TMEM273: variants seen among roughly 807,000 people sequenced by gnomAD.
TMEM273 encodes the protein transmembrane protein 273.
A neutral mutation model predicts 17.9 loss-of-function variants in TMEM273; 19 were observed. That is an observed-to-expected ratio of 1.06 (90% confidence interval 0.74 to 1.55). The LOEUF (loss-of-function observed/expected upper bound fraction) is 1.55, where lower values mean the gene tolerates loss of function less well. Among genes scored for constraint, TMEM273 ranks in the 40% most tolerant of loss-of-function variants. TMEM273 has a pLI of 0.00. For synonymous variants in TMEM273, 66 were observed against 62.0 expected, an observed-to-expected ratio of 1.07 and a Z score of -0.31; for missense variants, 194 against 155.6, an observed-to-expected ratio of 1.25 and a Z score of -1.31.
At chr10:49,167,100 T>C in intron 2 of TMEM273, 91 bp from the exon 3 acceptor site, 3 of 1,529,304 alleles carry the variant, frequency 2.0e-6, no homozygotes, top group South Asian at 1.2e-5. Context: ...CATGTGGCCC[T>C]TAACACACCA....
chr10:49,159,776 GACCCTTGTGCT>G (rs1034766263), intron 6 of TMEM273, among the ~76,000 whole-genome samples: 1 of 152,060 alleles, frequency 6.6e-6, no homozygotes, highest in Non-Finnish European at 1.5e-5. Context: ...GGGAAAATTA[GACCCTTGTGCT>G]ACCCTTGGGA....
chr10:49,163,132 C>G (rs75939957), intron 5 of TMEM273, among the ~76,000 whole-genome samples: 2 of 151,368 alleles, frequency 1.3e-5, no homozygotes, highest in African/African-American at 4.9e-5. Flanking sequence ...CCTCTTAGGG[C>G]GGGGGGAAGG....
intron 3 of TMEM273, 29 bp from the exon 4 acceptor site, chr10:49,165,825 G>A (rs1290757464): frequency 2.5e-6 from 4 of 1,613,902 alleles, no homozygotes; most frequent in Non-Finnish European, 1.7e-6. Context: ...GCATTAGGAA[G>A]GGGGTCGTGT....
In TMEM273 at chr10:49,154,908, T is replaced by C. The variant is rs931446645; in HGVS notation, c.*984A>G. On this transcript the variant is annotated 3_prime_UTR_variant, in exon 7 of 7. Transcript: ENST00000374153. ...ATCATGACAACACAGCACTTTGTTC[T>C]GAAATATAGCTCATCTTTCATCACA... 2 of 152,240 alleles carry C rather than the reference T, an allele frequency of 1.3e-5. No individual in the cohort carries two copies. Among genetic ancestry groups the C allele is most frequent in the Non-Finnish European group, 1.5e-5 (1 of 68,040 alleles). 9.4% of individuals were successfully genotyped at this position (152,240 alleles called of 1,614,324 possible).
chr10:49,178,944 C>G (rs1847171909), intron 1 of TMEM273, among the ~76,000 whole-genome samples: 1 of 152,172 alleles, frequency 6.6e-6, no homozygotes, highest in Non-Finnish European at 1.5e-5. Flanking sequence ...GTGGGTCCAG[C>G]TCCAGGTCCT....
intron 1 of TMEM273, among the ~76,000 whole-genome samples, chr10:49,187,009 A>C (rs1847766762): frequency 6.6e-6 from 1 of 152,184 alleles, no homozygotes; most frequent in African/African-American, 2.4e-5. Context: ...TCTTCAATGA[A>C]TTGCCTGTTT....
chr10:49,183,119 T>C (rs1349150703), intron 1 of TMEM273, among the ~76,000 whole-genome samples: 1 of 152,208 alleles, frequency 6.6e-6, no homozygotes, highest in African/African-American at 2.4e-5. Context: ...CTGTCCTAGA[T>C]TGGTTCCTGG....
At chr10:49,167,186 C>T (rs1846249874) in intron 2 of TMEM273, among the ~76,000 whole-genome samples, 177 bp from the exon 3 acceptor site, 1 of 152,224 alleles carries the variant, frequency 6.6e-6, no homozygotes, top group Non-Finnish European at 1.5e-5. Context: ...GCCTGCACCC[C>T]ATCCCCTCCT....
chr10:49,165,369 G>A (rs1846106884), intron 4 of TMEM273, 86 bp from the exon 5 acceptor site: 6 of 1,545,176 alleles, frequency 3.9e-6, no homozygotes, highest in Non-Finnish European at 5.2e-6. Context: ...GCTCTGTGCA[G>A]AAGAGCAGGG....
chr10:49,176,011 G>A (rs531665905), intron 1 of TMEM273, among the ~76,000 whole-genome samples: 1 of 152,342 alleles, frequency 6.6e-6, no homozygotes, highest in African/African-American at 2.4e-5. Flanking sequence ...TGGGAGGGAA[G>A]GGTATTTGAA....
At chr10:49,167,040 T>G (rs1220287399) in intron 2 of TMEM273, 31 bp from the exon 3 acceptor site, 1 of 1,610,378 alleles carries the variant, frequency 6.2e-7, no homozygotes, top group Non-Finnish European at 8.5e-7. Flanking sequence ...GAACACCCGG[T>G]TTCAGTCACC....
intron 1 of TMEM273, among the ~76,000 whole-genome samples, chr10:49,168,825 C>G (rs545326410): frequency 6.6e-6 from 1 of 152,252 alleles, no homozygotes; most frequent in Non-Finnish European, 1.5e-5. Context: ...TGCTCACAAA[C>G]AGCGCCCTAA....
chr10:49,156,219 A>T (rs1845496258), intron 6 of TMEM273: 2 of 1,402,850 alleles, frequency 1.4e-6, no homozygotes, highest in African/African-American at 2.9e-5. Flanking sequence ...GAAACTTTTC[A>T]CTTTCTGTAG....
At chr10:49,165,066 C>A in intron 5 of TMEM273, 139 bp downstream of exon 5, 1 of 1,259,604 alleles carries the variant, frequency 7.9e-7, no homozygotes, top group Non-Finnish European at 1.1e-6. Flanking sequence ...CCGCCCGGAG[C>A]TTACATTTTA....
chr10:49,173,868 G>A (rs78422139), intron 1 of TMEM273, among the ~76,000 whole-genome samples: 1 of 152,168 alleles, frequency 6.6e-6, no homozygotes, highest in Non-Finnish European at 1.5e-5. Context: ...ACAAGGGGGG[G>A]CGATAGCGTT....
At chr10:49,187,994 C>T (rs1847830002) in intron 1 of TMEM273, among the ~76,000 whole-genome samples, 1 of 152,152 alleles carries the variant, frequency 6.6e-6, no homozygotes, top group Admixed American at 6.5e-5. Flanking sequence ...GTTTCAGAAG[C>T]TTATTCTAGT....
intron 5 of TMEM273, among the ~76,000 whole-genome samples, chr10:49,162,294 CAT>C (rs1845893394): frequency 6.6e-6 from 1 of 152,166 alleles, no homozygotes; most frequent in Admixed American, 6.5e-5. Flanking sequence ...GCCACATGCA[CAT>C]ACACACACAT....
At chr10:49,182,571 A>G (rs920313502) in intron 1 of TMEM273, among the ~76,000 whole-genome samples, 1 of 152,346 alleles carries the variant, frequency 6.6e-6, no homozygotes, top group South Asian at 2.1e-4. Context: ...TAAAACTGAG[A>G]TAGATGGCCG....
At chr10:49,178,306 G>C (rs1590238908) in intron 1 of TMEM273, 1 of 456,888 alleles carries the variant, frequency 2.2e-6, no homozygotes, top group Non-Finnish European at 4.4e-6. Flanking sequence ...TTGCAGACTG[G>C]CTCCAGAGGC....
Sources: allele counts gnomAD v4.1 joint callset (sites outside exome capture counted in the v4.1 genomes callset), GRCh38; gene constraint gnomAD v4.1.1; transcripts MANE v1.5; gene names NCBI Gene and HGNC (gene_info 2026-07-23, HGNC 2026-07-21).